FBN3: variants seen among roughly 807,000 people sequenced by gnomAD.
FBN3 encodes the protein fibrillin-3.
FBN3 carries 234 observed loss-of-function variants against 330.1 expected under a neutral mutation model. That is an observed-to-expected ratio of 0.71 (90% CI 0.64 to 0.79). The LOEUF (loss-of-function observed/expected upper bound fraction) is 0.79. Ranked by LOEUF, FBN3 falls within the 30% of genes least tolerant of loss-of-function variation. The pLI is 0.00. For missense variants in FBN3, 3,606 were observed against 3,886.9 expected, an observed-to-expected ratio of 0.93 and a Z score of 1.92; for synonymous variants, 1,458 against 1,517.3, an observed-to-expected ratio of 0.96 and a Z score of 0.91.
At chr19:8,068,109 G>A (rs77261076) in intron 63 of FBN3, among the ~76,000 whole-genome samples, 21,521 of 151,942 alleles carry the variant, frequency 0.14, 2,010 homozygotes, top group East Asian at 0.42. Context: ...TAAATAGGCT[G>A]GGCGCAGTGG....
intron 53 of FBN3, 123 bp downstream of exon 53, chr19:8,087,702 G>A: frequency 1.2e-6 from 1 of 829,302 alleles, no homozygotes; most frequent in East Asian, 2.9e-5. Flanking sequence ...CGCCTCCCAG[G>A]TTCAAGCGAT....
At chr19:8,141,886 G>A (rs1374033539) in intron 7 of FBN3, 44 bp from the exon 8 acceptor site, 4 of 1,612,326 alleles carry the variant, frequency 2.5e-6, no homozygotes, top group East Asian at 4.5e-5. Context: ...GCCCATCGGA[G>A]GGAAGAACCA....
intron 13 of FBN3, among the ~76,000 whole-genome samples, 193 bp from the exon 14 acceptor site, chr19:8,133,299 G>A (rs2083194633): frequency 6.6e-6 from 1 of 152,226 alleles, no homozygotes; most frequent in Admixed American, 6.5e-5. Context: ...CCCGGGGCAC[G>A]ACCCCTGTCT....
chr19:8,144,139 T>G (rs2083480202), intron 6 of FBN3, among the ~76,000 whole-genome samples: 1 of 151,918 alleles, frequency 6.6e-6, no homozygotes, highest in African/African-American at 2.4e-5. Context: ...TTAGGGTGAC[T>G]GGGTGTGGTG....
At position 8,066,193 on chromosome 19, in the gene FBN3, C is replaced by T. The variant is rs144078033; in HGVS notation, c.8156G>A (p.Arg2719Gln). The stretch of plus-strand genomic sequence containing the variant: ...CCGGAGCTCCAGGATGCGCTCGGCC[C>T]GGCCCAGGTGTGAGAGGTTCAGGCC... ...TLGLNLSHLG[R>Q]AERILELRPA... Residue 2719 changes from arginine to glutamine, a missense_variant, in exon 64 of 64, where the codon CGG becomes CAG. Arg to Gln is a conservative substitution (Grantham distance 43). Coordinates refer to ENST00000600128, the MANE Select transcript of FBN3 (RefSeq NM_032447.5). 5.1e-5 allele frequency: 82 copies of T among 1,610,722 alleles called. No individual in the cohort carries two copies. In the African/African-American group the frequency reaches 6.9e-4, roughly 14 times the overall value.
intron 63 of FBN3, among the ~76,000 whole-genome samples, chr19:8,068,693 C>T (rs2081445093): frequency 6.7e-6 from 1 of 148,266 alleles, no homozygotes. Flanking sequence ...CAGAGTGAGA[C>T]CTTGTCTCAA....
At chr19:8,136,956 C>T in intron 10 of FBN3, among the ~76,000 whole-genome samples, 1 of 139,638 alleles carries the variant, frequency 7.2e-6, no homozygotes, top group Admixed American at 7.2e-5. Context: ...GGTCTAGATA[C>T]CTCCAACCTG....
intron 7 of FBN3, 48 bp from the exon 8 acceptor site, chr19:8,141,890 A>G (rs1199862750): frequency 6.2e-7 from 1 of 1,612,342 alleles, no homozygotes; most frequent in Non-Finnish European, 8.5e-7. Context: ...ATCGGAGGGA[A>G]GAACCAAGGC....
chr19:8,135,363 C>T (rs1030747195), intron 13 of FBN3, among the ~76,000 whole-genome samples: 7 of 150,968 alleles, frequency 4.6e-5, no homozygotes, highest in Admixed American at 6.6e-5. Context: ...TTGCAGCCTC[C>T]GTCTCCTGGG....
intron 48 of FBN3, 57 bp from the exon 49 acceptor site, chr19:8,090,308 CCCTGTGACCTCCCGCACCCCAGT>C (rs1370675069): frequency 6.3e-7 from 1 of 1,597,910 alleles, no homozygotes; most frequent in Non-Finnish European, 8.5e-7. Flanking sequence ...GCCCACCTGC[CCCTGTGACCTCCCGCACCCCAGT>C]CCTGGTGAAT....
In FBN3 at chr19:8,129,007, C is replaced by T. The variant is rs753549189; in HGVS notation, c.2296+21G>A. 89 of 1,603,398 alleles carry T rather than the reference C, an allele frequency of 5.6e-5. No individual in the cohort carries two copies. Among genetic ancestry groups the T allele is most frequent in the South Asian group, 6.7e-5 (6 of 89,474 alleles). ...GAGCATATGTGTGTGTGCAAACCCA[C>T]GTGAGCCCGGGACCCAGTACCTTTG... On this transcript the variant is annotated intron_variant, in intron 18 of 63. Transcript: ENST00000600128. The surrounding 1 kb of genome is among the most constrained non-coding windows in gnomAD (Gnocchi z 4.5).
intron 1 of FBN3, among the ~76,000 whole-genome samples, chr19:8,148,203 G>A (rs1016124550): frequency 4.6e-5 from 7 of 151,984 alleles, no homozygotes; most frequent in African/African-American, 7.3e-5. Context: ...CACATCCCAC[G>A]CCGGTCTTGC....
chr19:8,076,563 C>T (rs144283671), intron 59 of FBN3, among the ~76,000 whole-genome samples: 3,067 of 152,214 alleles, frequency 0.02, 52 homozygotes, highest in Middle Eastern at 0.065. Flanking sequence ...CGCTTGAACC[C>T]GGGAGGCGGA....
rs144446943 is a variant in FBN3, at chr19:8,093,837, C to A, written c.5905+609G>T. ...ATAGATCAGAAGAGCCCAGGCCAGA[C>A]TGGTCCACGTTAGCTCAGGTTATAC... On this transcript the variant is annotated intron_variant, in intron 47 of 63. Coordinates refer to ENST00000600128, the MANE Select transcript of FBN3 (RefSeq NM_032447.5). 7.0e-4 allele frequency among the ~76,000 whole-genome samples: 106 copies of A among 152,322 alleles called. 1 individual carries two copies. In the East Asian group the frequency reaches 0.019, roughly 27 times the overall value.
chr19:8,085,261 T>A (rs1200317259), intron 56 of FBN3, 102 bp downstream of exon 56: 8 of 711,450 alleles, frequency 1.1e-5, no homozygotes, highest in South Asian at 2.1e-5. Flanking sequence ...ACACACAGTG[T>A]GGCTCACACA....
intron 16 of FBN3, among the ~76,000 whole-genome samples, chr19:8,130,277 T>G (rs1599414613): frequency 6.8e-6 from 1 of 147,880 alleles, no homozygotes; most frequent in Non-Finnish European, 1.5e-5. Flanking sequence ...CCAAGGTGGG[T>G]GGATCACTTG....
In FBN3 at chr19:8,133,066, G is replaced by A. The variant is rs376788677; in HGVS notation, c.1632C>T (p.Gly544=). Residue 544 remains glycine, a synonymous_variant, in exon 14 of 64, where the codon GGC becomes GGT. Coordinates refer to ENST00000600128, the MANE Select transcript of FBN3 (RefSeq NM_032447.5). ...AGCTGCCATCCTCGTTGAGACACAC[G>A]CCGTTGACGCACATGGTGCTGGTGG... ...ECATSTMCVN[G]VCLNEDGSFS... 43 of 1,585,938 alleles carry A rather than the reference G, an allele frequency of 2.7e-5. No individual in the cohort carries two copies. Among genetic ancestry groups the A allele is most frequent in the African/African-American group, 1.6e-4 (12 of 74,648 alleles).
At chr19:8,073,459 A>G (rs1225845046) in intron 61 of FBN3, among the ~76,000 whole-genome samples, 162 bp from the exon 62 acceptor site, 2 of 152,186 alleles carry the variant, frequency 1.3e-5, no homozygotes, top group Non-Finnish European at 2.9e-5. Flanking sequence ...GATCGGCCCC[A>G]TAGCCCCGCT....
chr19:8,081,694 T>C (rs2144624114), intron 57 of FBN3, among the ~76,000 whole-genome samples: 1 of 152,306 alleles, frequency 6.6e-6, no homozygotes, highest in East Asian at 1.9e-4. Flanking sequence ...GCCTTTGTAC[T>C]AGCAAAGCAG....
Sources: gnomAD v4.1 joint callset for allele counts (sites outside exome capture counted in the v4.1 genomes callset) on GRCh38, gnomAD v4.1.1 for gene constraint, Gnocchi (gnomAD v3.1) non-coding constraint, MANE v1.5 for transcripts, NCBI Gene and HGNC (gene_info 2026-07-23, HGNC 2026-07-21) for gene names.